The following KIAA1958 variants were observed in gnomAD, a reference collection of about 807,000 sequenced individuals.
KIAA1958 encodes the protein uncharacterized protein KIAA1958.
In KIAA1958, 14 loss-of-function variants were observed where a neutral mutation model predicts 47.2. That is an observed-to-expected ratio of 0.30 (90% CI 0.20 to 0.46). The LOEUF (loss-of-function observed/expected upper bound fraction) is 0.46. Among genes scored for constraint, KIAA1958 ranks in the 20% least tolerant of loss-of-function variants. KIAA1958 has a pLI of 1.00. For synonymous variants in KIAA1958, 354 were observed against 353.3 expected, an observed-to-expected ratio of 1.00 and a Z score of -0.02; for missense variants, 803 against 909.2, an observed-to-expected ratio of 0.88 and a Z score of 1.50.
intron 2 of KIAA1958, among the ~76,000 whole-genome samples, chr9:112,577,529 C>T (rs1835666204): frequency 2.0e-5 from 3 of 149,468 alleles, no homozygotes; most frequent in African/African-American, 5.0e-5. Flanking sequence ...CTCTCCTGCC[C>T]CCCTTTTTTT....
At chr9:112,540,756 C>T (rs1834927257) in intron 1 of KIAA1958, among the ~76,000 whole-genome samples, 1 of 151,354 alleles carries the variant, frequency 6.6e-6, no homozygotes, top group Admixed American at 6.6e-5. Flanking sequence ...ATTCTGTCAC[C>T]CAGGCTGGAA....
At chr9:112,537,015 CAGTA>C (rs949735910) in intron 1 of KIAA1958, among the ~76,000 whole-genome samples, 3 of 152,128 alleles carry the variant, frequency 2.0e-5, no homozygotes, top group African/African-American at 7.2e-5. Flanking sequence ...TAAAAGTTAT[CAGTA>C]AGAAGAGTGA....
At chr9:112,548,360 A>C (rs1835079344) in intron 1 of KIAA1958, among the ~76,000 whole-genome samples, 1 of 152,100 alleles carries the variant, frequency 6.6e-6, no homozygotes, top group African/African-American at 2.4e-5. Context: ...TTCTGGACCA[A>C]ATCAGTATAC....
intron 2 of KIAA1958, among the ~76,000 whole-genome samples, chr9:112,616,692 T>A (rs1256247130): frequency 1.3e-5 from 2 of 152,252 alleles, no homozygotes; most frequent in Admixed American, 6.5e-5. Flanking sequence ...CTTTTGAGTT[T>A]CACCAGACCA....
chr9:112,567,512 A>C (rs565370872), intron 1 of KIAA1958, among the ~76,000 whole-genome samples: 20 of 152,328 alleles, frequency 1.3e-4, no homozygotes, highest in African/African-American at 4.3e-4. Flanking sequence ...AACCAGATGA[A>C]TCTGTGTTTC....
intron 1 of KIAA1958, among the ~76,000 whole-genome samples, chr9:112,533,295 C>T (rs906235848): frequency 2.6e-5 from 4 of 151,760 alleles, no homozygotes; most frequent in African/African-American, 4.8e-5. Context: ...TGGCCAGGCA[C>T]GGTGGCTCAC....
intron 2 of KIAA1958, among the ~76,000 whole-genome samples, chr9:112,612,870 A>G (rs1270361746): frequency 6.6e-6 from 1 of 152,206 alleles, no homozygotes; most frequent in African/African-American, 2.4e-5. Context: ...GGAAATGCCT[A>G]TCCGTAGGGA....
At chr9:112,648,771 A>G (rs1053784859) in intron 3 of KIAA1958, among the ~76,000 whole-genome samples, 7 of 152,244 alleles carry the variant, frequency 4.6e-5, no homozygotes, top group Non-Finnish European at 1.0e-4. Flanking sequence ...AAAGTTTCAG[A>G]ATATGTATAG....
At position 112,645,794 on chromosome 9, in the gene KIAA1958, G is replaced by T. The variant is rs765229564; in HGVS notation, c.1316G>T (p.Gly439Val). 6.2e-7 allele frequency: 1 copy of T among 1,613,450 alleles called. No individual in the cohort carries two copies. Among genetic ancestry groups the T allele is most frequent in the Non-Finnish European group, 8.5e-7 (1 of 1,179,884 alleles). Residue 439 changes from glycine (G) to valine (V), a missense_variant, in exon 3 of 4, where the codon GGG becomes GTG. Physicochemically the swap from Gly to Val is moderately radical, Grantham distance 109 (BLOSUM62 -3). Around this residue, in one of 2 missense-constraint regions of KIAA1958, gnomAD observed 761 missense variants for 829.3 expected, o/e 0.92. Coordinates refer to ENST00000337530, the MANE Select transcript of KIAA1958 (RefSeq NM_133465.4). ...NVWRYWCMTNGLKDHTDITKI... is the reference protein window; with the variant it reads ...NVWRYWCMTNVLKDHTDITKI... ...TGGCGTTATTGGTGCATGACCAACG[G>T]GCTCAAAGACCACACAGACATCACC...
At chr9:112,635,349 T>TAAGCCATCCTCTCACCTC (rs1836788133) in intron 2 of KIAA1958, among the ~76,000 whole-genome samples, 1 of 150,850 alleles carries the variant, frequency 6.6e-6, no homozygotes, top group African/African-American at 2.4e-5. Flanking sequence ...CTCCCAGGCT[T>TAAGCCATCCTCTCACCTC]AAGCCATCCT....
rs760814664 is a variant in KIAA1958, at chr9:112,661,348, A to G, written c.*1279A>G. 6.6e-6 allele frequency: 1 copy of G among 152,228 alleles called. No individual in the cohort carries two copies. Among genetic ancestry groups the G allele is most frequent in the Non-Finnish European group, 1.5e-5 (1 of 68,040 alleles). 9.4% of individuals were successfully genotyped at this position (152,228 alleles called of 1,614,324 possible). On this transcript the variant is annotated 3_prime_UTR_variant, in exon 4 of 4. Coordinates refer to ENST00000337530, the MANE Select transcript of KIAA1958 (RefSeq NM_133465.4). Reference sequence around the variant, plus strand: ...TTTTCTAATAACTACTCTGAGTGCAACAACAAGTGAAAAAGGAGCTCAAAG... The same window carrying G: ...TTTTCTAATAACTACTCTGAGTGCAGCAACAAGTGAAAAAGGAGCTCAAAG...
intron 1 of KIAA1958, among the ~76,000 whole-genome samples, chr9:112,517,753 G>T (rs1249131358): frequency 6.6e-6 from 1 of 152,152 alleles, no homozygotes; most frequent in East Asian, 1.9e-4. Context: ...AAAGCAAGGA[G>T]CCAAGATAAA....
rs180919736 is a variant in KIAA1958, at chr9:112,490,854, C to A, written c.-25+3736C>A. Among the ~76,000 whole-genome samples the A allele has an allele frequency of 1.7e-4, 26 of 152,208 alleles. No individual in the cohort carries two copies. The East Asian group carries it at 5.0e-3, about 29-fold the overall frequency. ...TGTATTTCAGAAACATGTTATTACA[C>A]TTGAAAATAATATGGAAAGCAAAGA... On this transcript the variant is annotated intron_variant, in intron 1 of 3. Transcript: ENST00000337530.
chr9:112,633,474 T>A (rs2131231886), intron 2 of KIAA1958, among the ~76,000 whole-genome samples: 1 of 152,284 alleles, frequency 6.6e-6, no homozygotes, highest in East Asian at 1.9e-4. Flanking sequence ...GATTTTTTAA[T>A]GTTTTCTTAT....
intron 1 of KIAA1958, among the ~76,000 whole-genome samples, chr9:112,498,748 G>T (rs1834085594): frequency 6.6e-6 from 1 of 152,066 alleles, no homozygotes; most frequent in Non-Finnish European, 1.5e-5. Context: ...CTTGTGTTGG[G>T]AACATTCAAA....
At chr9:112,565,728 AATT>A (rs1835416950) in intron 1 of KIAA1958, among the ~76,000 whole-genome samples, 1 of 152,208 alleles carries the variant, frequency 6.6e-6, no homozygotes, top group Admixed American at 6.5e-5. Flanking sequence ...TATATCAGCT[AATT>A]ATTCTCTCAA....
intron 1 of KIAA1958, among the ~76,000 whole-genome samples, chr9:112,548,210 G>T (rs1346960534): frequency 6.6e-6 from 1 of 151,996 alleles, no homozygotes; most frequent in Non-Finnish European, 1.5e-5. Flanking sequence ...TGCCAGGCTG[G>T]TCTTGAACTC....
Position 112,550,121 on chromosome 9 carries a change from T to C in KIAA1958, c.-24-23936T>C, listed in dbSNP as rs148846117. Among the ~76,000 whole-genome samples, 252 of 150,970 alleles carry C rather than the reference T, an allele frequency of 1.7e-3. 5 individuals are homozygous for C. The highest frequency in any genetic ancestry group is 5.5e-3 in the African/African-American group (222 of 40,356). ...AGGTAAGCCTGGCAATGTTCAGAGT[T>C]AGAGGCCTCAGAGCCGTGTTGATAA... is the stretch of plus-strand genomic sequence containing the variant. On this transcript the variant is annotated intron_variant, in intron 1 of 3. Transcript: ENST00000337530.
In KIAA1958 at chr9:112,587,950, A is replaced by G. The variant is rs1366463353; in HGVS notation, c.1171+12699A>G. On this transcript the variant is annotated intron_variant, in intron 2 of 3. Transcript: ENST00000337530. ...TTAACTCATTTTTGTTAACTTTCCA[A>G]TTTGATTGTTGGGTTATTAAAATAC... Among the ~76,000 whole-genome samples, 5 of 152,174 alleles carry G rather than the reference A, an allele frequency of 3.3e-5. No individual in the cohort carries two copies. The East Asian group carries it at 7.7e-4, about 23-fold the overall frequency.
Sources: gnomAD v4.1 joint callset for allele counts (sites outside exome capture counted in the v4.1 genomes callset) on GRCh38, gnomAD v4.1.1 for gene constraint, gnomAD v4.1.1 regional missense constraint, MANE v1.5 for transcripts, NCBI Gene and HGNC (gene_info 2026-07-23, HGNC 2026-07-21) for gene names.